Variants in PABPC4L observed in about 807,000 individuals in gnomAD.
The protein encoded by PABPC4L is poly(A) binding protein cytoplasmic 4 like.
For synonymous variants in PABPC4L, 169 were observed against 164.1 expected (o/e 1.03, Z -0.23); for missense variants, 452 against 451.4 (o/e 1.00, Z -0.01).
the PABPC4L span, among the ~76,000 whole-genome samples, chr4:134,161,964 A>G: frequency 2.6e-4 from 39 of 152,158 alleles, no homozygotes; most frequent in African/African-American, 9.1e-4. Context: ...TTGTGTGTTT[A>G]TTTCTTTTCT....
At chr4:133,994,949 C>A in the PABPC4L span, among the ~76,000 whole-genome samples, 1 of 152,130 alleles carries the variant, frequency 6.6e-6, no homozygotes, top group Non-Finnish European at 1.5e-5. Context: ...CCGGTTGCAA[C>A]CTTTTTAGGG....
the PABPC4L span, among the ~76,000 whole-genome samples, chr4:134,035,162 G>A: frequency 6.6e-6 from 1 of 151,944 alleles, no homozygotes; most frequent in Non-Finnish European, 1.5e-5. Context: ...AGCATTTTTA[G>A]CAGTGTTTTT....
chr4:134,131,665 A>G, the PABPC4L span, among the ~76,000 whole-genome samples: 13 of 136,002 alleles, frequency 9.6e-5, no homozygotes, highest in African/African-American at 3.6e-4. Context: ...AAATACCACC[A>G]TCATTCTTCA....
the PABPC4L span, among the ~76,000 whole-genome samples, chr4:134,174,168 G>A: frequency 2.9e-4 from 44 of 151,416 alleles, no homozygotes; most frequent in Admixed American, 2.6e-4. Flanking sequence ...ACATCAACAT[G>A]TTCCACTTCC....
chr4:134,054,246 GTATATGTATATATATATA>G, the PABPC4L span, among the ~76,000 whole-genome samples: 9 of 74,064 alleles, frequency 1.2e-4, no homozygotes, highest in Admixed American at 3.3e-4. Context: ...TACTTTAGTT[GTATATGTATATATATATA>G]TATATATATA....
At chr4:134,110,702 G>T in the PABPC4L span, among the ~76,000 whole-genome samples, 45 of 151,356 alleles carry the variant, frequency 3.0e-4, no homozygotes, top group Non-Finnish European at 5.0e-4. Context: ...CATAATATTT[G>T]AATATAACCT....
chr4:133,965,916 T>G, the PABPC4L span, among the ~76,000 whole-genome samples: 1 of 152,008 alleles, frequency 6.6e-6, no homozygotes, highest in Non-Finnish European at 1.5e-5. Context: ...TAGACAAGGA[T>G]TTCATGACCA....
chr4:134,029,719 A>G, the PABPC4L span, among the ~76,000 whole-genome samples: 5 of 151,866 alleles, frequency 3.3e-5, no homozygotes, highest in African/African-American at 1.2e-4. Flanking sequence ...TTTATATTTT[A>G]ATTCTGGACA....
chr4:134,186,134 G>A, the PABPC4L span, among the ~76,000 whole-genome samples: 15 of 152,128 alleles, frequency 9.9e-5, no homozygotes, highest in Non-Finnish European at 2.2e-4. Flanking sequence ...CAGATTCAAT[G>A]CCATCCCCAT....
rs1578882787 is a variant in PABPC4L, at chr4:134,198,297, G to A, written c.*1610C>T. ...AAAATATGTAACAAATTATAATAGG[G>A]AATTGGTTTGCATAATACAATTATA... On this transcript the variant is annotated 3_prime_UTR_variant, in exon 2 of 2. Coordinates refer to ENST00000421491, the MANE Select transcript of PABPC4L (RefSeq NM_001114734.2). 6.6e-6 allele frequency: 1 copy of A among 151,394 alleles called. No homozygotes were observed. Among genetic ancestry groups the A allele is most frequent in the Admixed American group, 6.6e-5 (1 of 15,216 alleles). The allele number at this position is 151,394 out of a possible 1,614,324, so 9.4% of individuals were successfully genotyped here.
chr4:133,965,442 C>A, the PABPC4L span, among the ~76,000 whole-genome samples: 1 of 152,054 alleles, frequency 6.6e-6, no homozygotes, highest in African/African-American at 2.4e-5. Flanking sequence ...ATACCACCAT[C>A]TTTCTTCACA....
chr4:134,119,572 A>G, the PABPC4L span, among the ~76,000 whole-genome samples: 1 of 151,724 alleles, frequency 6.6e-6, no homozygotes, highest in Non-Finnish European at 1.5e-5. Context: ...TTTTTTATGT[A>G]ACCTATTTAT....
the PABPC4L span, among the ~76,000 whole-genome samples, chr4:133,948,758 TAAC>T: frequency 6.6e-6 from 1 of 152,218 alleles, no homozygotes; most frequent in Non-Finnish European, 1.5e-5. Flanking sequence ...AGAGCATGCA[TAAC>T]AGTCGCTTTT....
chr4:133,958,136 A>G, the PABPC4L span, among the ~76,000 whole-genome samples: 1 of 152,196 alleles, frequency 6.6e-6, no homozygotes, highest in Non-Finnish European at 1.5e-5. Flanking sequence ...CAGGCTGCAG[A>G]TTTTCCAAAC....
the PABPC4L span, among the ~76,000 whole-genome samples, chr4:134,160,295 A>C: frequency 6.6e-6 from 1 of 152,094 alleles, no homozygotes; most frequent in African/African-American, 2.4e-5. Flanking sequence ...GATTGGAGAA[A>C]AGAGAGGGAA....
the PABPC4L span, among the ~76,000 whole-genome samples, chr4:134,040,576 T>A: frequency 6.6e-6 from 1 of 152,130 alleles, no homozygotes; most frequent in Non-Finnish European, 1.5e-5. Flanking sequence ...AAAAATTAAC[T>A]TAAGATGGAT....
the PABPC4L span, among the ~76,000 whole-genome samples, chr4:133,980,483 AAC>A: frequency 3.9e-5 from 6 of 152,176 alleles, no homozygotes; most frequent in African/African-American, 1.4e-4. Flanking sequence ...GAGTCTAGAA[AAC>A]ACAGTAAGAT....
At chr4:134,038,658 G>A in the PABPC4L span, among the ~76,000 whole-genome samples, 21 of 152,026 alleles carry the variant, frequency 1.4e-4, no homozygotes, top group East Asian at 1.5e-3. Context: ...TTGTGGGATC[G>A]GTGGTGATAT....
At chr4:134,071,418 G>A in the PABPC4L span, among the ~76,000 whole-genome samples, 1 of 152,096 alleles carries the variant, frequency 6.6e-6, no homozygotes, top group African/African-American at 2.4e-5. Context: ...GTTTTGACAA[G>A]TTATGCTAAT....
Sources: gnomAD v4.1 joint callset for allele counts (sites outside exome capture counted in the v4.1 genomes callset) on GRCh38, gnomAD v4.1.1 for gene constraint, MANE v1.5 for transcripts, NCBI Gene and HGNC (gene_info 2026-07-23, HGNC 2026-07-21) for gene names.